The following TSPAN18 variants were observed in gnomAD, a reference collection of about 807,000 sequenced individuals.
The protein encoded by TSPAN18 is tetraspanin 18, also known as tetraspanin-18.
TSPAN18 carries 14 observed loss-of-function variants against 27.3 expected under a neutral mutation model. The observed-to-expected ratio is 0.51, with a 90% CI of 0.34 to 0.80. The LOEUF (loss-of-function observed/expected upper bound fraction) is 0.80, where lower values mean the gene tolerates loss of function less well. Among genes scored for constraint, TSPAN18 ranks in the 30% least tolerant of loss-of-function variants. The pLI is 0.01. For synonymous variants in TSPAN18, 143 were observed against 136.5 expected, an observed-to-expected ratio of 1.05 and a Z score of -0.33; for missense variants, 268 against 323.9, an observed-to-expected ratio of 0.83 and a Z score of 1.32.
Position 44,861,797 on chromosome 11 carries a change from A to T in TSPAN18, c.-11+1328A>T, listed in dbSNP as rs879867614. On this transcript the variant is annotated intron_variant, in intron 3 of 9. Transcript: ENST00000520358. The stretch of plus-strand genomic sequence containing the variant: ...TAGTATCTGAAAGCCCAAATTTCAC[A>T]CACACACACACACACACACACACAC... Among the ~76,000 whole-genome samples, 674 of 90,476 alleles carry T rather than the reference A, an allele frequency of 7.4e-3. 7 individuals are homozygous for T. The highest frequency in any genetic ancestry group is 0.028 in the East Asian group (70 of 2,464). The allele number at this position is 90,476 out of a possible 152,430, so 59.4% of individuals were successfully genotyped here.
intron 3 of TSPAN18, chr11:44,897,875 C>T (rs1304694960): frequency 3.9e-6 from 5 of 1,288,532 alleles, no homozygotes; most frequent in African/African-American, 1.5e-5. Flanking sequence ...ACCTCTGCCC[C>T]ATCACCTGAC....
intron 2 of TSPAN18, among the ~76,000 whole-genome samples, chr11:44,788,606 T>A (rs1215670009): frequency 4.6e-5 from 7 of 151,988 alleles, no homozygotes; most frequent in African/African-American, 1.7e-4. Flanking sequence ...TACAGGCATG[T>A]GCCACCACGC....
chr11:44,733,882 G>A (rs1397324404), intron 1 of TSPAN18, among the ~76,000 whole-genome samples: 4 of 152,070 alleles, frequency 2.6e-5, no homozygotes, highest in African/African-American at 9.7e-5. Context: ...GGAAGCGGAG[G>A]GTCCTGCTAT....
chr11:44,876,760 G>T (rs566969163), intron 3 of TSPAN18, among the ~76,000 whole-genome samples: 17 of 152,228 alleles, frequency 1.1e-4, no homozygotes, highest in Non-Finnish European at 2.5e-4. Flanking sequence ...ATCACCAACA[G>T]TCAGCTACTC....
chr11:44,869,251 A>G (rs1276480028), intron 3 of TSPAN18, among the ~76,000 whole-genome samples: 1 of 152,202 alleles, frequency 6.6e-6, no homozygotes, highest in Non-Finnish European at 1.5e-5. Context: ...TGGGGAGCTC[A>G]CTACCAACCA....
chr11:44,874,668 A>G (rs1858282083), intron 3 of TSPAN18, among the ~76,000 whole-genome samples: 1 of 152,188 alleles, frequency 6.6e-6, no homozygotes, highest in Non-Finnish European at 1.5e-5. Flanking sequence ...CGGAGAACTA[A>G]TTGCATGCTT....
At chr11:44,823,080 T>C (rs936628624) in intron 2 of TSPAN18, among the ~76,000 whole-genome samples, 1 of 152,188 alleles carries the variant, frequency 6.6e-6, no homozygotes, top group Non-Finnish European at 1.5e-5. Context: ...CATCACTTCA[T>C]TCATTACAAC....
chr11:44,834,578 A>T (rs835779), intron 2 of TSPAN18, among the ~76,000 whole-genome samples: 2 of 152,058 alleles, frequency 1.3e-5, no homozygotes, highest in South Asian at 4.1e-4. Context: ...CCATTTTCTC[A>T]CTTCTCTAGG....
At chr11:44,882,508 C>T (rs902172582) in intron 3 of TSPAN18, among the ~76,000 whole-genome samples, 2 of 151,144 alleles carry the variant, frequency 1.3e-5, no homozygotes, top group Non-Finnish European at 2.9e-5. Flanking sequence ...CTCCCGGGTG[C>T]GGTGTGCTTT....
In TSPAN18 at chr11:44,930,867, AAG is replaced by A. The variant is rs1261035583; in HGVS notation, c.*1692_*1693del. On this transcript the variant is annotated 3_prime_UTR_variant, in exon 10 of 10. Transcript: ENST00000520358. ...TCCCCTCTGTCCCTCTTCAGGAAGAAAGAGCTCATTCTGTCTCACAAGCCACC... is the reference window on the plus strand; with the variant it reads ...TCCCCTCTGTCCCTCTTCAGGAAGAAAGCTCATTCTGTCTCACAAGCCACC... 1 of 520,072 alleles carries A rather than the reference AAG, an allele frequency of 1.9e-6. No homozygotes were observed. The highest frequency in any genetic ancestry group is 4.0e-6 in the Non-Finnish European group (1 of 253,144). 32.2% of individuals were successfully genotyped at this position (520,072 alleles called of 1,614,324 possible).
chr11:44,824,279 G>C (rs1189560114), intron 2 of TSPAN18, among the ~76,000 whole-genome samples: 1 of 152,138 alleles, frequency 6.6e-6, no homozygotes, highest in East Asian at 1.9e-4. Context: ...TAATTTATTG[G>C]TCCTGGCTAT....
chr11:44,889,514 G>A (rs1858773215), intron 3 of TSPAN18, among the ~76,000 whole-genome samples: 1 of 152,268 alleles, frequency 6.6e-6, no homozygotes, highest in African/African-American at 2.4e-5. Context: ...CAGGCTGGCT[G>A]GCCCCAGCAG....
rs768001614 is a variant in TSPAN18, at chr11:44,930,951, C to T, written c.*1773C>T. The T allele has an allele frequency of 1.8e-5, 9 of 509,512 alleles. No individual in the cohort carries two copies. Among genetic ancestry groups the T allele is most frequent in the Non-Finnish European group, 2.4e-5 (6 of 248,514 alleles). 31.6% of individuals were successfully genotyped at this position (509,512 alleles called of 1,614,324 possible). On this transcript the variant is annotated 3_prime_UTR_variant, in exon 10 of 10. Coordinates refer to ENST00000520358, the MANE Select transcript of TSPAN18 (RefSeq NM_130783.5). ...AGGCTTTCCAGTCACCAGGGACACTCGGAGCCACAGCCTAGAGCCCCGTGT... is the reference window on the plus strand; with the variant it reads ...AGGCTTTCCAGTCACCAGGGACACTTGGAGCCACAGCCTAGAGCCCCGTGT...
chr11:44,811,805 G>A (rs1856723684), intron 2 of TSPAN18, among the ~76,000 whole-genome samples: 1 of 152,188 alleles, frequency 6.6e-6, no homozygotes, highest in Admixed American at 6.5e-5. Flanking sequence ...TGAGTGTAAA[G>A]TCAGGGCTCT....
chr11:44,833,688 C>A (rs960669111), intron 2 of TSPAN18, among the ~76,000 whole-genome samples: 22 of 151,870 alleles, frequency 1.4e-4, no homozygotes, highest in Non-Finnish European at 2.5e-4. Context: ...GGAGAGGGAC[C>A]CAGGAGCAGG....
intron 2 of TSPAN18, among the ~76,000 whole-genome samples, chr11:44,790,546 TTGTG>T (rs1342067500): frequency 2.4e-5 from 3 of 124,206 alleles, no homozygotes; most frequent in Non-Finnish European, 3.4e-5. Flanking sequence ...GTGTGCATGT[TTGTG>T]TGTGCATGTG....
chr11:44,843,591 A>G (rs938590475), intron 2 of TSPAN18, among the ~76,000 whole-genome samples: 2 of 152,182 alleles, frequency 1.3e-5, no homozygotes, highest in African/African-American at 2.4e-5. Context: ...CCTCTTCCTA[A>G]TAAGCCTGGG....
At chr11:44,926,854 A>C in intron 9 of TSPAN18, 97 bp downstream of exon 9, 2 of 1,399,220 alleles carry the variant, frequency 1.4e-6, no homozygotes, top group Non-Finnish European at 2.0e-6. Flanking sequence ...CATTTCCTTC[A>C]CCTGGGACCC....
chr11:44,880,001 G>A (rs1858445010), intron 3 of TSPAN18, among the ~76,000 whole-genome samples: 1 of 152,216 alleles, frequency 6.6e-6, no homozygotes, highest in Non-Finnish European at 1.5e-5. Context: ...CCAGACAGCT[G>A]AGCCTCACCG....
Sources: gnomAD v4.1 joint callset for allele counts (sites outside exome capture counted in the v4.1 genomes callset) on GRCh38, gnomAD v4.1.1 for gene constraint, MANE v1.5 for transcripts, NCBI Gene and HGNC (gene_info 2026-07-23, HGNC 2026-07-21) for gene names.